NCAM2: variants seen among roughly 807,000 people sequenced by gnomAD.
NCAM2 encodes neural cell adhesion molecule 2.
A neutral mutation model predicts 98.1 loss-of-function variants in NCAM2; 30 were observed. The observed-to-expected ratio is 0.31, with a 90% CI of 0.23 to 0.41. The LOEUF (loss-of-function observed/expected upper bound fraction) is 0.41, where lower values mean the gene tolerates loss of function less well. Among genes scored for constraint, NCAM2 ranks in the 10% least tolerant of loss-of-function variants. The pLI is 1.00. For synonymous variants in NCAM2, 368 were observed against 342.4 expected, an observed-to-expected ratio of 1.07 and a Z score of -0.83; for missense variants, 867 against 1,005.8, an observed-to-expected ratio of 0.86 and a Z score of 1.87.
intron 1 of NCAM2, among the ~76,000 whole-genome samples, chr21:21,101,378 T>C (rs762832182): frequency 1.1e-3 from 165 of 152,152 alleles, no homozygotes; most frequent in Admixed American, 2.3e-3. Flanking sequence ...GATTCTGTGA[T>C]TTTGATAACT....
intron 1 of NCAM2, among the ~76,000 whole-genome samples, chr21:21,116,090 A>G (rs1386451986): frequency 6.6e-6 from 1 of 151,854 alleles, no homozygotes; most frequent in Non-Finnish European, 1.5e-5. Flanking sequence ...GTTTGCACAT[A>G]GATGTACAGT....
At chr21:21,329,531 A>G (rs1035400223) in intron 6 of NCAM2, among the ~76,000 whole-genome samples, 1 of 152,180 alleles carries the variant, frequency 6.6e-6, no homozygotes, top group Non-Finnish European at 1.5e-5. Context: ...TAGGCAATGC[A>G]TGACTGCATT....
intron 1 of NCAM2, among the ~76,000 whole-genome samples, chr21:21,193,070 A>G (rs900026941): frequency 9.9e-5 from 15 of 152,212 alleles, no homozygotes; most frequent in African/African-American, 3.6e-4. Flanking sequence ...TTAAATAGAT[A>G]CTGGCTGTAA....
rs115811650 is a variant in NCAM2, at chr21:21,471,105, A to G, written c.1896+2322A>G. 3.7e-3 allele frequency among the ~76,000 whole-genome samples: 557 copies of G among 152,164 alleles called. 5 individuals carry two copies. The highest frequency in any genetic ancestry group is 0.012 in the African/African-American group (501 of 41,534). ...CAGTCTAAATATGGATGGCAGCAGT[A>G]CTGGGCAAGAGGCAACCCCTCAATC... On this transcript the variant is annotated intron_variant, in intron 14 of 17. Transcript: ENST00000400546.
At chr21:21,015,045 CA>C (rs1420706807) in intron 1 of NCAM2, among the ~76,000 whole-genome samples, 1 of 152,168 alleles carries the variant, frequency 6.6e-6, no homozygotes, top group Non-Finnish European at 1.5e-5. Flanking sequence ...TCTGCAATCT[CA>C]TGACAAAACT....
At chr21:21,315,964 A>G (rs1488058793) in intron 5 of NCAM2, among the ~76,000 whole-genome samples, 2 of 152,222 alleles carry the variant, frequency 1.3e-5, no homozygotes, top group East Asian at 1.9e-4. Context: ...TGACATATAT[A>G]TGATCAGAGC....
chr21:21,085,094 C>A (rs1273167196), intron 1 of NCAM2, among the ~76,000 whole-genome samples: 2 of 152,096 alleles, frequency 1.3e-5, no homozygotes, highest in East Asian at 3.9e-4. Flanking sequence ...AATTGAATCT[C>A]TTTATTCAAA....
At chr21:21,429,121 G>C (rs868546794) in intron 11 of NCAM2, among the ~76,000 whole-genome samples, 38 of 152,034 alleles carry the variant, frequency 2.5e-4, no homozygotes, top group African/African-American at 8.0e-4. Flanking sequence ...AGAAATAAGA[G>C]GCCAGTGGAA....
intron 10 of NCAM2, among the ~76,000 whole-genome samples, chr21:21,411,020 A>G (rs1203295899): frequency 1.1e-5 from 1 of 90,420 alleles, no homozygotes; most frequent in Non-Finnish European, 2.1e-5. Context: ...AAAAAAATAT[A>G]TATATATATA....
At chr21:21,463,585 G>T (rs542947154) in intron 12 of NCAM2, among the ~76,000 whole-genome samples, 2 of 151,962 alleles carry the variant, frequency 1.3e-5, no homozygotes, top group African/African-American at 4.8e-5. Context: ...TGCCCTCTTC[G>T]CTCCTTTCTT....
chr21:21,002,030 A>G (rs542459117), intron 1 of NCAM2, among the ~76,000 whole-genome samples: 2 of 152,212 alleles, frequency 1.3e-5, no homozygotes, highest in Admixed American at 6.5e-5. Context: ...TGCTTTTTCT[A>G]TCTGCTGTGC....
chr21:21,003,209 A>T lies in NCAM2; in HGVS notation c.55+4591A>T, dbSNP rs143945238. Among the ~76,000 whole-genome samples, 12 of 152,334 alleles carry T rather than the reference A, an allele frequency of 7.9e-5. No homozygotes were observed. In the East Asian group the frequency reaches 2.3e-3, roughly 29 times the overall value. On this transcript the variant is annotated intron_variant, in intron 1 of 17. Coordinates refer to ENST00000400546, the MANE Select transcript of NCAM2 (RefSeq NM_004540.5). ...CAGACATTTTAGAAAGCTGTGAAGT[A>T]ATGAAACATCTTGAATTTAAATCAA... is the stretch of plus-strand genomic sequence containing the variant.
chr21:21,466,134 T>G (rs1373019699), intron 12 of NCAM2, among the ~76,000 whole-genome samples: 1 of 152,042 alleles, frequency 6.6e-6, no homozygotes, highest in East Asian at 1.9e-4. Flanking sequence ...TTGCTGTATT[T>G]TCAACTTTGT....
At chr21:21,217,982 C>T (rs951751877) in intron 1 of NCAM2, among the ~76,000 whole-genome samples, 21 of 152,180 alleles carry the variant, frequency 1.4e-4, no homozygotes, top group Non-Finnish European at 2.2e-4. Flanking sequence ...CATAGAATCT[C>T]CAGAATGAAA....
intron 5 of NCAM2, among the ~76,000 whole-genome samples, chr21:21,307,527 T>G (rs1302318622): frequency 1.3e-5 from 2 of 152,166 alleles, no homozygotes; most frequent in African/African-American, 4.8e-5. Flanking sequence ...CAGTATATTA[T>G]AAGATCACGA....
intron 16 of NCAM2, among the ~76,000 whole-genome samples, chr21:21,533,702 G>T (rs1989834856): frequency 1.4e-5 from 2 of 143,314 alleles, no homozygotes. Flanking sequence ...AGTACCTCAT[G>T]CCCAATTCTT....
chr21:21,132,879 G>T (rs2066965028), intron 1 of NCAM2, among the ~76,000 whole-genome samples: 1 of 152,166 alleles, frequency 6.6e-6, no homozygotes, highest in Admixed American at 6.5e-5. Flanking sequence ...AATCCTTTGT[G>T]TGCCACTTCC....
At chr21:21,021,792 C>T (rs1046343617) in intron 1 of NCAM2, among the ~76,000 whole-genome samples, 2 of 152,112 alleles carry the variant, frequency 1.3e-5, no homozygotes, top group African/African-American at 4.8e-5. Context: ...TAGTACCGCT[C>T]ATTTGAACAT....
At chr21:21,198,924 T>C (rs1326321106) in intron 1 of NCAM2, among the ~76,000 whole-genome samples, 1 of 152,174 alleles carries the variant, frequency 6.6e-6, no homozygotes, top group African/African-American at 2.4e-5. Flanking sequence ...CTTTCCATTA[T>C]GTATCTGGGT....
Sources: gnomAD v4.1 joint callset for allele counts (sites outside exome capture counted in the v4.1 genomes callset) on GRCh38, gnomAD v4.1.1 for gene constraint, MANE v1.5 for transcripts, NCBI Gene and HGNC (gene_info 2026-07-23, HGNC 2026-07-21) for gene names.